The following FOXRED2 variants were observed in gnomAD, a reference collection of about 807,000 sequenced individuals.
FOXRED2 encodes FAD-dependent oxidoreductase domain-containing protein 2.
In FOXRED2, 32 loss-of-function variants were observed where a neutral mutation model predicts 52.5. The ratio of observed to expected loss-of-function variants is 0.61; its 90% confidence interval spans 0.46 to 0.82. The LOEUF (loss-of-function observed/expected upper bound fraction) is 0.82, where lower values mean the gene tolerates loss of function less well. Ranked by LOEUF, FOXRED2 falls within the 40% of genes least tolerant of loss-of-function variation. The pLI is 0.00. For synonymous variants in FOXRED2, 405 were observed against 398.1 expected (o/e 1.02, Z -0.21); for missense variants, 848 against 937.5 (o/e 0.90, Z 1.25).
intron 5 of FOXRED2, among the ~76,000 whole-genome samples, chr22:36,498,993 G>A (rs1490236586): frequency 6.6e-6 from 1 of 152,184 alleles, no homozygotes; most frequent in African/African-American, 2.4e-5. Context: ...GGAGCGCAGT[G>A]GCACGATCTT....
chr22:36,501,125 T>G, intron 5 of FOXRED2, 116 bp downstream of exon 5: 9 of 1,054,638 alleles, frequency 8.5e-6, no homozygotes, highest in South Asian at 1.5e-5. Context: ...TTTATGACAA[T>G]GAGCTACTGA....
intron 5 of FOXRED2, among the ~76,000 whole-genome samples, chr22:36,498,681 CA>C (rs1007184268): frequency 6.6e-6 from 1 of 152,178 alleles, no homozygotes; most frequent in African/African-American, 2.4e-5. Context: ...AGCCTAAATC[CA>C]TCTGTCTCTA....
intron 1 of FOXRED2, 21 bp from the exon 2 acceptor site, chr22:36,506,444 A>G: frequency 7.0e-7 from 1 of 1,425,690 alleles, no homozygotes; most frequent in Non-Finnish European, 9.1e-7. Flanking sequence ...TCAGAGGGGT[A>G]AGGCCTCGCA....
At chr22:36,497,342 A>C (rs1037989531) in intron 6 of FOXRED2, among the ~76,000 whole-genome samples, 18 of 151,594 alleles carry the variant, frequency 1.2e-4, no homozygotes, top group African/African-American at 4.1e-4. Flanking sequence ...TGTCTCAAGA[A>C]AAAAAAAAGA....
At chr22:36,505,461 A>T (rs993947117) in intron 2 of FOXRED2, among the ~76,000 whole-genome samples, 4 of 152,200 alleles carry the variant, frequency 2.6e-5, no homozygotes. Flanking sequence ...CTTTGATCAC[A>T]GAGTGGTTTC....
Position 36,506,318 on chromosome 22 carries a change from C to A in FOXRED2, c.105G>T (p.Val35=), listed in dbSNP as rs1213314468. 1.9e-6 allele frequency: 3 copies of A among 1,541,284 alleles called. No individual in the cohort carries two copies. Among genetic ancestry groups the A allele is most frequent in the Non-Finnish European group, 2.6e-6 (3 of 1,147,246 alleles). The change falls in exon 2 of 9, where the codon GTG becomes GTT. Residue 35 remains valine, a synonymous_variant. Coordinates refer to ENST00000397224, the MANE Select transcript of FOXRED2 (RefSeq NM_001102371.2). ...LSVPPRRDYC[V]LGAGPAGLQM... ...GCAGGCCCGCGGGCCCAGCGCCCAGCACGCAGTAGTCCCGGCGCGGGGGCA... is the reference window on the plus strand; with the variant it reads ...GCAGGCCCGCGGGCCCAGCGCCCAGAACGCAGTAGTCCCGGCGCGGGGGCA...
In FOXRED2 at chr22:36,506,085, T is replaced by C. The variant is rs753652767; in HGVS notation, c.338A>G (p.His113Arg). Residue 113 changes from histidine (H) to arginine (R), a missense_variant, in exon 2 of 9, where the codon CAC becomes CGC. His to Arg is a conservative substitution (Grantham distance 29, BLOSUM62 0). Coordinates refer to ENST00000397224, the MANE Select transcript of FOXRED2 (RefSeq NM_001102371.2). ...LSHDPRLLFR[H>R]YSRAYFPDAR... ...GTCGGGGAAGTAGGCACGCGAGTAG[T>C]GTCTGAAGAGCAGCCGGGGGTCGTG... 1.2e-6 allele frequency: 2 copies of C among 1,614,120 alleles called. No individual in the cohort carries two copies. The highest frequency in any genetic ancestry group is 1.7e-6 in the Non-Finnish European group (2 of 1,180,050).
chr22:36,498,255 T>C, intron 5 of FOXRED2, 99 bp from the exon 6 acceptor site: 5 of 1,392,212 alleles, frequency 3.6e-6, no homozygotes, highest in South Asian at 2.7e-5. Context: ...GAGAACGCCA[T>C]ACACACTGGT....
intron 2 of FOXRED2, among the ~76,000 whole-genome samples, chr22:36,504,992 T>C (rs1378788523): frequency 6.6e-6 from 1 of 152,194 alleles, no homozygotes; most frequent in Non-Finnish European, 1.5e-5. Context: ...TCACAGTATT[T>C]TCCCTAGCAC....
chr22:36,493,533 T>G, intron 8 of FOXRED2, 100 bp downstream of exon 8: 1 of 1,014,938 alleles, frequency 9.9e-7, no homozygotes, highest in Admixed American at 2.5e-5. Context: ...GGGGTTTGGA[T>G]TTCCAGATAT....
In FOXRED2 at chr22:36,489,813, G is replaced by T; in HGVS notation, c.*195C>A. 1 of 522,480 alleles carries T rather than the reference G, an allele frequency of 1.9e-6. No individual in the cohort carries two copies. The highest frequency in any genetic ancestry group is 3.2e-5 in the South Asian group (1 of 30,780). The allele number at this position is 522,480 out of a possible 1,614,324, so 32.4% of individuals were successfully genotyped here. ...GATGCCCTTCTGCCCCCTGACAGGAGGGAGGAGACCACCGCATCCCCGACT... is the reference window on the plus strand; with the variant it reads ...GATGCCCTTCTGCCCCCTGACAGGATGGAGGAGACCACCGCATCCCCGACT... On this transcript the variant is annotated 3_prime_UTR_variant, in exon 9 of 9. Transcript: ENST00000397224.
intron 5 of FOXRED2, among the ~76,000 whole-genome samples, chr22:36,500,962 T>A (rs1934027287): frequency 6.6e-6 from 1 of 152,024 alleles, no homozygotes; most frequent in African/African-American, 2.4e-5. Flanking sequence ...TCATCATGGC[T>A]CACTGCAACC....
At chr22:36,503,387 G>C (rs999709698) in intron 4 of FOXRED2, among the ~76,000 whole-genome samples, 5 of 148,178 alleles carry the variant, frequency 3.4e-5, no homozygotes, top group African/African-American at 1.3e-4. Context: ...TCGGCTCACT[G>C]CAACTTCTGC....
Position 36,505,822 on chromosome 22 carries a change from C to T in FOXRED2, c.527+74G>A, listed in dbSNP as rs914645654. Reference sequence around the variant, plus strand: ...TTTTCGTCCATTCCTCCCATACCTACTGGCCAATCAAGGTGTGTGGTTCGT... The same window carrying T: ...TTTTCGTCCATTCCTCCCATACCTATTGGCCAATCAAGGTGTGTGGTTCGT... On this transcript the variant is annotated intron_variant, in intron 2 of 8. Coordinates refer to ENST00000397224, the MANE Select transcript of FOXRED2 (RefSeq NM_001102371.2). The T allele has an allele frequency of 6.8e-6, 10 of 1,470,356 alleles. No individual in the cohort carries two copies. The South Asian group carries it at 1.1e-4, about 16-fold the overall frequency. 91.1% of individuals were successfully genotyped at this position (1,470,356 alleles called of 1,614,324 possible). A position where few individuals can be genotyped will look rare whatever the true frequency, so the allele number is the denominator to read the frequency against.
In FOXRED2 at chr22:36,487,390, G is replaced by C. The variant is rs1306366201; in HGVS notation, c.*2618C>G. 6.6e-6 allele frequency: 1 copy of C among 152,240 alleles called. No individual in the cohort carries two copies. The highest frequency in any genetic ancestry group is 2.4e-5 in the African/African-American group (1 of 41,450). 9.4% of individuals were successfully genotyped at this position (152,240 alleles called of 1,614,324 possible). On this transcript the variant is annotated 3_prime_UTR_variant, in exon 9 of 9. Transcript: ENST00000397224. The stretch of plus-strand genomic sequence containing the variant: ...CTGACTGGCTATTTTAAAGAGAGCA[G>C]GGGTATAAGCCAGAGTGGTGGGGTG...
intron 8 of FOXRED2, 115 bp downstream of exon 8, chr22:36,493,518 A>G: frequency 1.3e-6 from 1 of 769,842 alleles, no homozygotes; most frequent in Non-Finnish European, 2.1e-6. Context: ...CGGGAACAGT[A>G]GTCTGGGGTT....
intron 8 of FOXRED2, among the ~76,000 whole-genome samples, chr22:36,492,769 C>T (rs5756215): frequency 0.054 from 8,210 of 152,228 alleles, 254 homozygotes; most frequent in East Asian, 0.11. Flanking sequence ...CCACCCACCT[C>T]GGCCTCCCAA....
intron 1 of FOXRED2, chr22:36,506,791 T>C (rs1934212485): frequency 5.1e-6 from 1 of 194,182 alleles, no homozygotes; most frequent in Non-Finnish European, 1.0e-5. Context: ...CCAGAGGCCT[T>C]GGCCCCTCTC....
chr22:36,497,848 T>C (rs999935478), intron 6 of FOXRED2, 143 bp downstream of exon 6: 9 of 881,322 alleles, frequency 1.0e-5, no homozygotes, highest in East Asian at 7.4e-5. Context: ...TCATTGTTTT[T>C]CCCCAGAACA....
Sources: allele counts gnomAD v4.1 joint callset (sites outside exome capture counted in the v4.1 genomes callset), GRCh38; gene constraint gnomAD v4.1.1; transcripts MANE v1.5; gene names NCBI Gene and HGNC (gene_info 2026-07-23, HGNC 2026-07-21).